CYP7A1: variants seen among roughly 807,000 people sequenced by gnomAD.
CYP7A1 encodes the protein cytochrome P450 family 7 subfamily A member 1, also known as cytochrome P450 7A1.
A neutral mutation model predicts 43.8 loss-of-function variants in CYP7A1; 28 were observed. That is an observed-to-expected ratio of 0.64 (90% CI 0.47 to 0.88). The LOEUF (loss-of-function observed/expected upper bound fraction) is 0.88, where lower values mean the gene tolerates loss of function less well. CYP7A1 is among the 40% of genes least tolerant of loss of function. The pLI is 0.00. For missense variants in CYP7A1, 637 were observed against 611.9 expected, an observed-to-expected ratio of 1.04 and a Z score of -0.43; for synonymous variants, 227 against 222.5, an observed-to-expected ratio of 1.02 and a Z score of -0.18.
intron 3 of CYP7A1, among the ~76,000 whole-genome samples, chr8:58,495,266 C>A (rs1243685649): frequency 1.5e-5 from 1 of 66,382 alleles, no homozygotes; most frequent in Non-Finnish European, 3.0e-5. Flanking sequence ...TGCTCTGTCG[C>A]CCAGGCTGGA....
chr8:58,491,607 C>G lies in CYP7A1; in HGVS notation c.1383G>C (p.Met461Ile), dbSNP rs768104199. Residue 461 changes from methionine to isoleucine, a missense_variant, in exon 6 of 6, where the codon ATG (methionine) becomes ATC (isoleucine). Met to Ile is a conservative substitution (Grantham distance 10, BLOSUM62 1). Coordinates refer to ENST00000301645, the MANE Select transcript of CYP7A1 (RefSeq NM_000780.4). ...TAAGCTCCAATTCAAAATAAGAAAG[C>G]ATCAGAATCAAAAATTGCTTGATTT... ...IHEIKQFLIL[M>I]LSYFELELIE... is the part of the protein sequence containing the mutation. 1 of 1,614,044 alleles carries G rather than the reference C, an allele frequency of 6.2e-7. No homozygotes were observed. Among genetic ancestry groups the G allele is most frequent in the Non-Finnish European group, 8.5e-7 (1 of 1,180,032 alleles).
At position 58,491,421 on chromosome 8, in the gene CYP7A1, G is replaced by A. The variant is rs894225424; in HGVS notation, c.*54C>T. ...TTGTCCAAAGGGACTGTGTGGTGAG[G>A]GTGTTCTGCAGTCCTGTAATATCAT... is the stretch of plus-strand genomic sequence containing the variant. On this transcript the variant is annotated 3_prime_UTR_variant, in exon 6 of 6. Transcript: ENST00000301645. The A allele has an allele frequency of 6.7e-7, 1 of 1,485,838 alleles. No individual in the cohort carries two copies. The highest frequency in any genetic ancestry group is 1.7e-5 in the Admixed American group (1 of 58,802). 92.0% of individuals were successfully genotyped at this position (1,485,838 alleles called of 1,614,324 possible).
rs1057493086 is a variant in CYP7A1 at position 58,494,435 on chromosome 8, A to C, written c.1039+71T>G. On this transcript the variant is annotated intron_variant, in intron 4 of 5. Transcript: ENST00000301645. ...ATGCCTAGAATTCGGTAAGTATATAATTTATGTTGGTCATTATTGTTAAAG... is the reference window on the plus strand; with the variant it reads ...ATGCCTAGAATTCGGTAAGTATATACTTTATGTTGGTCATTATTGTTAAAG... 2.0e-5 allele frequency: 31 copies of C among 1,522,438 alleles called. No homozygotes were observed. In the East Asian group the frequency reaches 7.0e-4, roughly 34 times the overall value. The allele number at this position is 1,522,438 out of a possible 1,614,324, so 94.3% of individuals were successfully genotyped here.
At chr8:58,498,130 C>A (rs1457890920) in intron 2 of CYP7A1, 99 bp downstream of exon 2, 1 of 1,385,584 alleles carries the variant, frequency 7.2e-7, no homozygotes. Flanking sequence ...TCTTCAACAC[C>A]TTTATCATAA....
rs908334117 is a variant in CYP7A1 at position 58,492,587 on chromosome 8, G to C, written c.1040-59C>G. The C allele has an allele frequency of 1.7e-5, 25 of 1,428,598 alleles. 1 individual carries two copies. The highest frequency in any genetic ancestry group is 2.3e-5 in the Non-Finnish European group (24 of 1,026,562). 88.5% of individuals were successfully genotyped at this position (1,428,598 alleles called of 1,614,324 possible). ...GAAAGAAGGAAGGGAGGAAGGAAGA[G>C]AAGAACAAACCAAGTGTTTGAAGGT... On this transcript the variant is annotated intron_variant, in intron 4 of 5. Transcript: ENST00000301645.
rs1809349050 is a variant in CYP7A1, at chr8:58,491,466, G to C, written c.*9C>G. 6.2e-7 allele frequency: 1 copy of C among 1,612,488 alleles called. No individual in the cohort carries two copies. The highest frequency in any genetic ancestry group is 1.7e-5 in the Admixed American group (1 of 59,922). ...TATCATCTAGTGTCCTCTTATTCCA[G>C]CCATGTATTCACAAATGCTTGAATT... On this transcript the variant is annotated 3_prime_UTR_variant, in exon 6 of 6. Transcript: ENST00000301645.
intron 2 of CYP7A1, among the ~76,000 whole-genome samples, chr8:58,497,615 C>A (rs1809465978): frequency 6.6e-6 from 1 of 152,184 alleles, no homozygotes; most frequent in Non-Finnish European, 1.5e-5. Context: ...CTCCTGGACT[C>A]AAGCGATCCT....
At chr8:58,494,401 T>C (rs2129605827) in intron 4 of CYP7A1, 105 bp downstream of exon 4, 1 of 1,222,548 alleles carries the variant, frequency 8.2e-7, no homozygotes, top group Non-Finnish European at 1.2e-6. Flanking sequence ...ATATGAAATA[T>C]TTAGTTTAAT....
intron 2 of CYP7A1, 54 bp downstream of exon 2, chr8:58,498,175 C>T: frequency 1.9e-6 from 3 of 1,601,416 alleles, no homozygotes; most frequent in Non-Finnish European, 2.6e-6. Flanking sequence ...AATAGACAAG[C>T]ACATAAAAAG....
chr8:58,493,317 G>A (rs1158455176), intron 4 of CYP7A1, among the ~76,000 whole-genome samples: 1 of 152,096 alleles, frequency 6.6e-6, no homozygotes, highest in Non-Finnish European at 1.5e-5. Context: ...TTTTTTCTAG[G>A]TGTTTAATGC....
At chr8:58,499,065 T>TC (rs948890732) in intron 1 of CYP7A1, among the ~76,000 whole-genome samples, 1 of 152,198 alleles carries the variant, frequency 6.6e-6, no homozygotes, top group Admixed American at 6.5e-5. Context: ...ACTGACGGAA[T>TC]CATCTATTGT....
At chr8:58,495,562 A>C (rs1183285122) in intron 3 of CYP7A1, among the ~76,000 whole-genome samples, 2 of 152,246 alleles carry the variant, frequency 1.3e-5, no homozygotes, top group African/African-American at 4.8e-5. Context: ...GTTTCTAACA[A>C]GGATTAAACA....
At chr8:58,497,232 A>T (rs935711242) in intron 2 of CYP7A1, 42 bp from the exon 3 acceptor site, 1 of 1,490,850 alleles carries the variant, frequency 6.7e-7, no homozygotes, top group East Asian at 2.3e-5. Context: ...GTTAAACCTG[A>T]CCTAGTCATA....
Position 58,492,653 on chromosome 8 carries a change from C to T in CYP7A1, c.1040-125G>A. 5.2e-6 allele frequency: 4 copies of T among 764,746 alleles called. 1 individual carries two copies. Among genetic ancestry groups the T allele is most frequent in the Admixed American group, 4.5e-5 (2 of 44,882 alleles). 47.4% of individuals were successfully genotyped at this position (764,746 alleles called of 1,614,324 possible). On this transcript the variant is annotated intron_variant, in intron 4 of 5. Coordinates refer to ENST00000301645, the MANE Select transcript of CYP7A1 (RefSeq NM_000780.4). ...CTGAACTACAGACAGCCTGGCAGTG[C>T]ATAACACAAAGATGAACAGGGTATG...
At chr8:58,491,809 C>T (rs373125621) in intron 5 of CYP7A1, 35 bp from the exon 6 acceptor site, 1 of 1,573,702 alleles carries the variant, frequency 6.4e-7, no homozygotes, top group Non-Finnish European at 8.7e-7. Context: ...CGCCTTTAAG[C>T]TAGTTTTAAA....
chr8:58,490,600 T>G lies in CYP7A1; in HGVS notation c.*875A>C, dbSNP rs1809334969. The stretch of plus-strand genomic sequence containing the variant: ...ACAATGACAGAAAAACTACCTTTTT[T>G]AATCTCTGAGAAAACTCTTCTCATT... On this transcript the variant is annotated 3_prime_UTR_variant, in exon 6 of 6. Transcript: ENST00000301645. 2 of 152,210 alleles carry G rather than the reference T, an allele frequency of 1.3e-5. No individual in the cohort carries two copies. Among genetic ancestry groups the G allele is most frequent in the South Asian group, 4.1e-4 (2 of 4,838 alleles). The allele number at this position is 152,210 out of a possible 1,614,324, so 9.4% of individuals were successfully genotyped here. A position where few individuals can be genotyped will look rare whatever the true frequency, so the allele number is the denominator to read the frequency against.
At position 58,492,482 on chromosome 8, in the gene CYP7A1, G is replaced by A. The variant is rs556194584; in HGVS notation, c.1086C>T (p.Asn362=). The A allele has an allele frequency of 3.1e-6, 5 of 1,614,054 alleles. No individual in the cohort carries two copies. The highest frequency in any genetic ancestry group is 3.3e-5 in the Admixed American group (2 of 60,010). ...ESLRLSSASL[N]IRTAKEDFTL... is the part of the protein sequence containing the mutation. ...TGAAATCCTCCTTAGCTGTCCGGAT[G>A]TTGAGGGAGGCACTGGAAAGCCTCA... The change falls in exon 5 of 6, where the codon AAC becomes AAT. Residue 362 remains asparagine, a synonymous_variant. Transcript: ENST00000301645.
chr8:58,494,741 T>G, intron 3 of CYP7A1, 105 bp from the exon 4 acceptor site: 1 of 1,061,730 alleles, frequency 9.4e-7, no homozygotes, highest in Non-Finnish European at 1.4e-6. Context: ...AACTAGATGG[T>G]GAAGATACCA....
rs1414715954 is a variant in CYP7A1, at chr8:58,495,351, G to C, written c.909-715C>G. ...CGCCATTCTCCTGCCTCAGCCTCCC[G>C]AGTAGCTGGGACTACAGGCGCCCGC... is the stretch of plus-strand genomic sequence containing the variant. On this transcript the variant is annotated intron_variant, in intron 3 of 5. Coordinates refer to ENST00000301645, the MANE Select transcript of CYP7A1 (RefSeq NM_000780.4). Among the ~76,000 whole-genome samples, 12 of 151,522 alleles carry C rather than the reference G, an allele frequency of 7.9e-5. No individual in the cohort carries two copies. The South Asian group carries it at 8.3e-4, about 11-fold the overall frequency.
Sources: gnomAD v4.1 joint callset for allele counts (sites outside exome capture counted in the v4.1 genomes callset) on GRCh38, gnomAD v4.1.1 for gene constraint, MANE v1.5 for transcripts, NCBI Gene and HGNC (gene_info 2026-07-23, HGNC 2026-07-21) for gene names.